Variants in PRKD2 observed in about 807,000 individuals in gnomAD.
PRKD2 encodes the protein serine/threonine-protein kinase D2.
In PRKD2, 22 loss-of-function variants were observed where a neutral mutation model predicts 86.0. The observed-to-expected ratio is 0.26, with a 90% CI of 0.18 to 0.37. The LOEUF is 0.37. Among genes scored for constraint, PRKD2 ranks in the 10% least tolerant of loss-of-function variants. The pLI is 1.00. For missense variants in PRKD2, 818 were observed against 1,199.2 expected, an observed-to-expected ratio of 0.68 and a Z score of 4.70; for synonymous variants, 509 against 510.9, an observed-to-expected ratio of 1.00 and a Z score of 0.05.
Position 46,689,668 on chromosome 19 carries a change from C to T in PRKD2, c.1840G>A (p.Glu614Lys). Residue 614 changes from glutamate to lysine, a missense_variant, in exon 14 of 18, where the codon GAG (glutamate) becomes AAG (lysine). Around this residue, in one of 5 missense-constraint regions of PRKD2, gnomAD observed 154 missense variants for 359.6 expected, o/e 0.43. Coordinates refer to ENST00000291281, the MANE Select transcript of PRKD2 (RefSeq NM_016457.5). ...SLRHPGIVNL[E>K]CMFETPEKVF... The stretch of plus-strand genomic sequence containing the variant: ...TTCTCAGGCGTCTCGAACATGCACT[C>T]CAGGTTCACGATCCCGGGATGCCGC... 6.2e-7 allele frequency: 1 copy of T among 1,614,130 alleles called. No homozygotes were observed. The highest frequency in any genetic ancestry group is 8.5e-7 in the Non-Finnish European group (1 of 1,180,000).
intron 14 of PRKD2, 105 bp downstream of exon 14, chr19:46,689,432 A>C: frequency 3.0e-6 from 4 of 1,319,802 alleles, no homozygotes; most frequent in Non-Finnish European, 4.1e-6. Context: ...GTTATCTGCT[A>C]TTGTGACTCC....
chr19:46,707,018 C>T (rs1243687771), intron 3 of PRKD2, among the ~76,000 whole-genome samples: 1 of 151,748 alleles, frequency 6.6e-6, no homozygotes, highest in African/African-American at 2.4e-5. Flanking sequence ...CTCAGCCTCC[C>T]GAGTAGCTGG....
intron 2 of PRKD2, among the ~76,000 whole-genome samples, chr19:46,711,541 C>G (rs568806351): frequency 6.6e-6 from 1 of 151,720 alleles, no homozygotes; most frequent in African/African-American, 2.4e-5. Flanking sequence ...TACAGGCATG[C>G]GCCACCACAC....
At chr19:46,713,185 AC>A (rs1480502429) in intron 2 of PRKD2, among the ~76,000 whole-genome samples, 2 of 132,134 alleles carry the variant, frequency 1.5e-5, no homozygotes, top group Admixed American at 7.5e-5. Context: ...CGCCCGGTTA[AC>A]TTTTTTTTTT....
At position 46,704,330 on chromosome 19, in the gene PRKD2, G is replaced by A. The variant is rs1187714085; in HGVS notation, c.728C>T (p.Ala243Val). 3 of 1,614,124 alleles carry A rather than the reference G, an allele frequency of 1.9e-6. No individual in the cohort carries two copies. Among genetic ancestry groups the A allele is most frequent in the Non-Finnish European group, 2.5e-6 (3 of 1,180,060 alleles). Residue 243 changes from alanine (A) to valine (V), a missense_variant, in exon 5 of 18, where the codon GCC (alanine) becomes GTC (valine). Physicochemically the swap from Ala to Val is moderately conservative, Grantham distance 64. Coordinates refer to ENST00000291281, the MANE Select transcript of PRKD2 (RefSeq NM_016457.5). ...AATGGGGCGGCCCGTATACGATGAG[G>A]CAGAAGAGGAGGAAGAGGATGACGG... ...RPPSSSSSSS[A>V]SSYTGRPIEL... is the part of the protein sequence containing the mutation.
intron 1 of PRKD2, among the ~76,000 whole-genome samples, chr19:46,715,680 C>T (rs2053871949): frequency 6.6e-6 from 1 of 152,200 alleles, no homozygotes; most frequent in Admixed American, 6.5e-5. Flanking sequence ...GCTCCGAGAC[C>T]TCACTTGCCC....
chr19:46,712,265 G>A (rs1460059893), intron 2 of PRKD2, among the ~76,000 whole-genome samples: 6 of 149,238 alleles, frequency 4.0e-5, no homozygotes, highest in Non-Finnish European at 8.9e-5. Flanking sequence ...ACAGGGCCGG[G>A]AGCGGTGGCT....
intron 7 of PRKD2, among the ~76,000 whole-genome samples, chr19:46,698,814 G>A (rs898121030): frequency 3.9e-5 from 6 of 152,164 alleles, no homozygotes; most frequent in African/African-American, 1.4e-4. Flanking sequence ...GGATCCCTGT[G>A]CTAGATCAGA....
chr19:46,686,181 C>T (rs1568718544), intron 14 of PRKD2: 1 of 152,144 alleles, frequency 6.6e-6, no homozygotes, highest in Non-Finnish European at 1.5e-5. Context: ...ACAGAAACCA[C>T]ACAAGGGGAT....
In PRKD2 at chr19:46,693,511, A is replaced by C. The variant is rs2053511985; in HGVS notation, c.1576+364T>G. The stretch of plus-strand genomic sequence containing the variant: ...ACCCAGACTGGAGTGCAGTGATGCA[A>C]TCATGACTCACTACTCCCAGGCTCA... On this transcript the variant is annotated intron_variant, in intron 10 of 17. Transcript: ENST00000291281. This position sits in a 1 kb window ranked among gnomAD's most constrained non-coding sequence, Gnocchi z 4.5. Among the ~76,000 whole-genome samples, 1 of 152,138 alleles carries C rather than the reference A, an allele frequency of 6.6e-6. No individual in the cohort carries two copies. The highest frequency in any genetic ancestry group is 2.1e-4 in the South Asian group (1 of 4,830).
intron 2 of PRKD2, 69 bp from the exon 3 acceptor site, chr19:46,711,107 C>T: frequency 6.6e-7 from 1 of 1,504,928 alleles, no homozygotes. Flanking sequence ...CCCCACGTTC[C>T]CTGATTTCTC....
chr19:46,714,202 G>A (rs2053850667), intron 1 of PRKD2: 2 of 1,329,496 alleles, frequency 1.5e-6, no homozygotes, highest in Non-Finnish European at 1.9e-6. Context: ...ACGGGGAGGG[G>A]GCGCCGGCGT....
intron 3 of PRKD2, among the ~76,000 whole-genome samples, chr19:46,709,048 C>G (rs988729343): frequency 6.8e-6 from 1 of 148,106 alleles, no homozygotes; most frequent in Non-Finnish European, 1.5e-5. Flanking sequence ...ACGATCTCGG[C>G]TCACTGCAAC....
rs796086305 is a variant in PRKD2 at position 46,708,971 on chromosome 19, G to GTTTT, written c.511+1935_511+1936insAAAA. Among the ~76,000 whole-genome samples, 69 of 80,290 alleles carry GTTTT rather than the reference G, an allele frequency of 8.6e-4. 4 individuals are homozygous for GTTTT. The highest frequency in any genetic ancestry group is 2.2e-3 in the African/African-American group (43 of 19,672). 52.7% of individuals were successfully genotyped at this position (80,290 alleles called of 152,430 possible). Reference sequence around the variant, plus strand: ...TTGCCATGAAGGTTGGTTTGTTTGTGGTTTTTTTTTTTTTTTTTTTTTTTG... The same window carrying GTTTT: ...TTGCCATGAAGGTTGGTTTGTTTGTGTTTTGTTTTTTTTTTTTTTTTTTTTTTTG... On this transcript the variant is annotated intron_variant, in intron 3 of 17. Transcript: ENST00000291281.
At position 46,678,597 on chromosome 19, in the gene PRKD2, C is replaced by T; in HGVS notation, c.2137G>A (p.Gly713Ser). ...GEKSFRRSVVGTPAYLAPEVL... is the reference protein window; with the variant it reads ...GEKSFRRSVVSTPAYLAPEVL... ...TCGGGTGCCAGGTAGGCCGGCGTGC[C>T]CACCACTGAGCGGCGGAACGACTTC... The change falls in exon 16 of 18, where the codon GGC (glycine) becomes AGC (serine). Residue 713 changes from glycine (G) to serine (S), a missense_variant. Coordinates refer to ENST00000291281, the MANE Select transcript of PRKD2 (RefSeq NM_016457.5). The surrounding 1 kb of genome is among the most constrained non-coding windows in gnomAD (Gnocchi z 5.7). The T allele has an allele frequency of 6.2e-7, 1 of 1,613,516 alleles. No homozygotes were observed. The highest frequency in any genetic ancestry group is 8.5e-7 in the Non-Finnish European group (1 of 1,180,030).
intron 15 of PRKD2, among the ~76,000 whole-genome samples, chr19:46,680,942 A>AT (rs1568714594): frequency 4.2e-5 from 2 of 48,176 alleles, no homozygotes; most frequent in African/African-American, 6.7e-5. Context: ...ATATATATAT[A>AT]TATATTTTTT....
intron 5 of PRKD2, 118 bp downstream of exon 5, chr19:46,704,051 C>A: frequency 6.9e-7 from 1 of 1,447,670 alleles, no homozygotes; most frequent in South Asian, 1.4e-5. Context: ...ATTCAGGGCC[C>A]TCCCCTTCTG....
chr19:46,701,296 G>A (rs1395489750), intron 5 of PRKD2, among the ~76,000 whole-genome samples, 184 bp from the exon 6 acceptor site: 1 of 151,760 alleles, frequency 6.6e-6, no homozygotes, highest in East Asian at 2.0e-4. Context: ...CCATCGGGGG[G>A]GTCTTGATTA....
rs1274124606 is a variant in PRKD2 at position 46,716,117 on chromosome 19, G to C, written c.240+14C>G. 6.2e-7 allele frequency: 1 copy of C among 1,607,404 alleles called. No homozygotes were observed. The highest frequency in any genetic ancestry group is 8.5e-7 in the Non-Finnish European group (1 of 1,177,646). ...CCTCTCCCCGAGCTGGATCCAGGGA[G>C]CCTGCGCCCTCACCTTCTGGTCCAC... is the stretch of plus-strand genomic sequence containing the variant. On this transcript the variant is annotated intron_variant, in intron 1 of 17. Transcript: ENST00000291281. This position sits in a 1 kb window ranked among gnomAD's most constrained non-coding sequence, Gnocchi z 7.9.
Sources: allele counts gnomAD v4.1 joint callset (sites outside exome capture counted in the v4.1 genomes callset), GRCh38; gene constraint gnomAD v4.1.1; regional missense constraint gnomAD v4.1.1; non-coding constraint Gnocchi (gnomAD v3.1); transcripts MANE v1.5; gene names NCBI Gene and HGNC (gene_info 2026-07-23, HGNC 2026-07-21).